TSPYL1: variants seen among roughly 807,000 people sequenced by gnomAD.
The protein encoded by TSPYL1 is TSPY like 1.
A neutral mutation model predicts 20.1 loss-of-function variants in TSPYL1; 16 were observed. The ratio of observed to expected loss-of-function variants is 0.80; its 90% confidence interval spans 0.54 to 1.21. The LOEUF (loss-of-function observed/expected upper bound fraction) is 1.21. Ranked by LOEUF, TSPYL1 falls within the 50% of genes most tolerant of loss-of-function variation. TSPYL1 has a pLI of 0.00. For missense variants in TSPYL1, 560 were observed against 569.3 expected, an observed-to-expected ratio of 0.98 and a Z score of 0.17; for synonymous variants, 259 against 227.1, an observed-to-expected ratio of 1.14 and a Z score of -1.26.
rs779119723 is a variant in TSPYL1, at chr6:116,279,240, T to C, written c.591A>G (p.Pro197=). Residue 197 remains proline (P), a synonymous_variant, in exon 1 of 1, where the codon CCA becomes CCG. Coordinates refer to ENST00000368608, the MANE Select transcript of TSPYL1 (RefSeq NM_003309.4). ...CCGCCACTTCTATTTCTTCACCTTC[T>C]GGCGGCTGCTCCTCTACCTCCATCT... ...EEQMEVEEQP[P]EGEEIEVAEE... 7 of 1,608,810 alleles carry C rather than the reference T, an allele frequency of 4.4e-6. No individual in the cohort carries two copies. The highest frequency in any genetic ancestry group is 3.3e-5 in the South Asian group (3 of 91,068).
chr6:116,279,123 C>A lies in TSPYL1; in HGVS notation c.708G>T (p.Gln236His). 1 of 1,614,134 alleles carries A rather than the reference C, an allele frequency of 6.2e-7. No homozygotes were observed. Among genetic ancestry groups the A allele is most frequent in the Middle Eastern group, 1.6e-4 (1 of 6,062 alleles). The change falls in exon 1 of 1, where the codon CAG becomes CAT. Residue 236 changes from glutamine (Q) to histidine (H), a missense_variant. By Grantham distance (24) the Gln-to-His change is conservative. Coordinates refer to ENST00000368608, the MANE Select transcript of TSPYL1 (RefSeq NM_003309.4). ...ALRMDPLEAI[Q>H]LELDTVNAQA... ...GAGCATTCACAGTGTCCAGTTCCAG[C>A]TGGATGGCCTCCAGAGGGTCCATGC...
Position 116,279,448 on chromosome 6 carries a change from CCACCCTGAA to C in TSPYL1, c.374_382del (p.Val125_Gly127del). 1.2e-6 allele frequency: 2 copies of C among 1,613,428 alleles called. No homozygotes were observed. The highest frequency in any genetic ancestry group is 1.7e-6 in the Non-Finnish European group (2 of 1,180,038). On this transcript the variant is annotated inframe_deletion, in exon 1 of 1. Coordinates refer to ENST00000368608, the MANE Select transcript of TSPYL1 (RefSeq NM_003309.4). ...GCCACAGATTTCTAGGGCCTTCTCTCCACCCTGAACGCCCTTTTTCAGGCTGCGGTCGGC... is the reference window on the plus strand; with the variant it reads ...GCCACAGATTTCTAGGGCCTTCTCTCCGCCCTTTTTCAGGCTGCGGTCGGC...
chr6:116,279,814 C>A lies in TSPYL1; in HGVS notation c.17G>T (p.Gly6Val), dbSNP rs1269638603. ...TTGGAGGGGAGTGGTCCTCTTGACC[C>A]CATCCAGGCCGCTCATGTTGCTAAC... MSGLDGVKRTTPLQTH... is the reference protein window; with the variant it reads MSGLDVVKRTTPLQTH... Residue 6 changes from glycine to valine, a missense_variant, in exon 1 of 1, where the codon GGG (glycine) becomes GTG (valine). Coordinates refer to ENST00000368608, the MANE Select transcript of TSPYL1 (RefSeq NM_003309.4). The A allele has an allele frequency of 6.2e-7, 1 of 1,613,036 alleles. No homozygotes were observed. The highest frequency in any genetic ancestry group is 1.3e-5 in the African/African-American group (1 of 75,048).
In TSPYL1 at chr6:116,279,126, G is replaced by T. The variant is rs1773316857; in HGVS notation, c.705C>A (p.Ile235=). ...EALRMDPLEA[I]QLELDTVNAQ... is the part of the protein sequence containing the mutation. ...CATTCACAGTGTCCAGTTCCAGCTG[G>T]ATGGCCTCCAGAGGGTCCATGCGGA... The change falls in exon 1 of 1, where the codon ATC becomes ATA. Residue 235 remains isoleucine, a synonymous_variant. Transcript: ENST00000368608. The T allele has an allele frequency of 6.2e-7, 1 of 1,614,126 alleles. No individual in the cohort carries two copies. The highest frequency in any genetic ancestry group is 2.2e-5 in the East Asian group (1 of 44,868).
In TSPYL1 at chr6:116,279,257, C is replaced by A; in HGVS notation, c.574G>T (p.Val192Leu). Residue 192 changes from valine (V) to leucine (L), a missense_variant, in exon 1 of 1, where the codon GTA (valine) becomes TTA (leucine). Coordinates refer to ENST00000368608, the MANE Select transcript of TSPYL1 (RefSeq NM_003309.4). ...TCACCTTCTGGCGGCTGCTCCTCTA[C>A]CTCCATCTGCTCCTCCATTACCTCC... Reference protein sequence around the residue: ...EKEVMEEQMEVEEQPPEGEEI... With the variant: ...EKEVMEEQMELEEQPPEGEEI... 6.2e-7 allele frequency: 1 copy of A among 1,607,602 alleles called. No individual in the cohort carries two copies. Among genetic ancestry groups the A allele is most frequent in the Non-Finnish European group, 8.5e-7 (1 of 1,179,538 alleles).
chr6:116,279,892 G>A lies in TSPYL1; in HGVS notation c.-62C>T, dbSNP rs1191310803. The A allele has an allele frequency of 7.5e-6, 12 of 1,607,860 alleles. No homozygotes were observed. Among genetic ancestry groups the A allele is most frequent in the Non-Finnish European group, 1.0e-5 (12 of 1,176,454 alleles). The stretch of plus-strand genomic sequence containing the variant: ...GTTTTCCTCAGAGGCCGAACTGGGA[G>A]CTAACCGCCGCTCGCACCGCCCACC... On this transcript the variant is annotated 5_prime_UTR_variant, in exon 1 of 1. Coordinates refer to ENST00000368608, the MANE Select transcript of TSPYL1 (RefSeq NM_003309.4).
In TSPYL1 at chr6:116,277,636, G is replaced by A. The variant is rs1031015388; in HGVS notation, c.*881C>T. On this transcript the variant is annotated 3_prime_UTR_variant, in exon 1 of 1. Coordinates refer to ENST00000368608, the MANE Select transcript of TSPYL1 (RefSeq NM_003309.4). ...AAACCTTGCTTTTACAAATGTTTCT[G>A]AGCTATCACTTTTTTAAGAGAGGAT... The A allele has an allele frequency of 6.6e-6, 1 of 151,404 alleles. No individual in the cohort carries two copies. Among genetic ancestry groups the A allele is most frequent in the Admixed American group, 6.6e-5 (1 of 15,260 alleles). 9.4% of individuals were successfully genotyped at this position (151,404 alleles called of 1,614,324 possible). A position where few individuals can be genotyped will look rare whatever the true frequency, so the allele number is the denominator to read the frequency against.
rs770030257 is a variant in TSPYL1, at chr6:116,279,003, C to T, written c.828G>A (p.Pro276=). The part of the protein sequence containing the change: ...ERRNYIIQNI[P]GFWMTAFRNH... ...TTCGAAAAGCAGTCATCCAGAAGCC[C>T]GGGATATTCTGAATGATGTAGTTCC... The change falls in exon 1 of 1, where the codon CCG becomes CCA. Residue 276 remains proline (P), a synonymous_variant. Coordinates refer to ENST00000368608, the MANE Select transcript of TSPYL1 (RefSeq NM_003309.4). 1.8e-5 allele frequency: 29 copies of T among 1,614,052 alleles called. 1 individual carries two copies. The South Asian group carries it at 2.9e-4, about 16-fold the overall frequency.
chr6:116,279,648 A>G lies in TSPYL1; in HGVS notation c.183T>C (p.Pro61=), dbSNP rs1425386245. The G allele has an allele frequency of 8.1e-6, 13 of 1,605,604 alleles. No individual in the cohort carries two copies. The highest frequency in any genetic ancestry group is 1.1e-5 in the Non-Finnish European group (13 of 1,179,880). ...EGGSETVALP[P]PPPSEEGGVP... ...CGCCCCCCTCCTCTGAAGGCGGTGG[A>G]GGCGGGAGCGCGACGGTCTCCGAGC... The change falls in exon 1 of 1, where the codon CCT becomes CCC. Residue 61 remains proline, a synonymous_variant. Coordinates refer to ENST00000368608, the MANE Select transcript of TSPYL1 (RefSeq NM_003309.4).
Position 116,278,555 on chromosome 6 carries a change from C to T in TSPYL1, c.1276G>A (p.Val426Ile). 13 of 1,614,176 alleles carry T rather than the reference C, an allele frequency of 8.1e-6. No individual in the cohort carries two copies. Among genetic ancestry groups the T allele is most frequent in the Non-Finnish European group, 1.0e-5 (12 of 1,180,042 alleles). The change falls in exon 1 of 1, where the codon GTA becomes ATA. Residue 426 changes from valine (V) to isoleucine (I), a missense_variant. Val to Ile is a conservative substitution (Grantham distance 29). Transcript: ENST00000368608. ...AACCCAAAGGGCCTGGGGATCTCTA[C>T]AGGCTCCCTTAGCGGGCGACGTCGG... ...RARRRPLREP[V>I]EIPRPFGFQS...
chr6:116,275,403 C>CT lies in TSPYL1; in HGVS notation c.*3113_*3114insA, dbSNP rs1773086339. 6.6e-6 allele frequency among the ~76,000 whole-genome samples: 1 copy of CT among 152,198 alleles called. No individual in the cohort carries two copies. The highest frequency in any genetic ancestry group is 2.4e-5 in the African/African-American group (1 of 41,456). On this transcript the variant is annotated 3_prime_UTR_variant, in exon 1 of 1. Coordinates refer to ENST00000368608, the MANE Select transcript of TSPYL1 (RefSeq NM_003309.4). ...GCATTGCAAATCTTTTTGACATTTT[C>CT]CCATTTGCTCATTAAATCTTTCTGA... is the stretch of plus-strand genomic sequence containing the variant.
chr6:116,278,508 G>C lies in TSPYL1; in HGVS notation c.*9C>G. 1 of 1,613,886 alleles carries C rather than the reference G, an allele frequency of 6.2e-7. No homozygotes were observed. The highest frequency in any genetic ancestry group is 1.7e-4 in the Middle Eastern group (1 of 5,822). ...AGACCTTGTGCAGGAGTATTCCCAA[G>C]GGCAAATGTTAACCAGACTGGAACC... On this transcript the variant is annotated 3_prime_UTR_variant, in exon 1 of 1. Transcript: ENST00000368608.
chr6:116,278,935 T>C lies in TSPYL1; in HGVS notation c.896A>G (p.Glu299Gly). The change falls in exon 1 of 1, where the codon GAG becomes GGG. Residue 299 changes from glutamate (E) to glycine (G), a missense_variant. Glu to Gly is a moderately conservative substitution (Grantham distance 98, BLOSUM62 -2). Coordinates refer to ENST00000368608, the MANE Select transcript of TSPYL1 (RefSeq NM_003309.4). ...LSAMIRGQDAEMLRYITNLEV... is the reference protein window; with the variant it reads ...LSAMIRGQDAGMLRYITNLEV... ...TAAATTGGTTATGTACCTTAACATCTCTGCATCTTGGCCCCTAATCATGGC... is the reference window on the plus strand; with the variant it reads ...TAAATTGGTTATGTACCTTAACATCCCTGCATCTTGGCCCCTAATCATGGC... The C allele has an allele frequency of 6.2e-7, 1 of 1,614,152 alleles. No homozygotes were observed. The highest frequency in any genetic ancestry group is 8.5e-7 in the Non-Finnish European group (1 of 1,180,030).
Position 116,279,202 on chromosome 6 carries a change from A to C in TSPYL1, c.629T>G (p.Leu210Trp). Residue 210 changes from leucine to tryptophan, a missense_variant, in exon 1 of 1, where the codon TTG becomes TGG. Coordinates refer to ENST00000368608, the MANE Select transcript of TSPYL1 (RefSeq NM_003309.4). ...EEIEVAEEDR[L>W]EEEAREEEGP... Reference sequence around the variant, plus strand: ...TTCTTCCTCCCTCGCCTCCTCCTCCAATCTATCCTCCTCCGCCACTTCTAT... The same window carrying C: ...TTCTTCCTCCCTCGCCTCCTCCTCCCATCTATCCTCCTCCGCCACTTCTAT... The C allele has an allele frequency of 6.2e-7, 1 of 1,610,338 alleles. No individual in the cohort carries two copies. Among genetic ancestry groups the C allele is most frequent in the Non-Finnish European group, 8.5e-7 (1 of 1,179,526 alleles).
Position 116,279,410 on chromosome 6 carries a change from C to T in TSPYL1, c.421G>A (p.Ala141Thr). ...ALEICGAQRS[A>T]SELTAGAEAE... is the part of the protein sequence containing the mutation. ...TCCGCCCCCGCCGTCAGCTCAGACG[C>T]GGATCTCTGGGCGCCACAGATTTCT... The change falls in exon 1 of 1, where the codon GCG becomes ACG. Residue 141 changes from alanine to threonine, a missense_variant. By Grantham distance (58) the Ala-to-Thr change is moderately conservative. Transcript: ENST00000368608. 1.9e-6 allele frequency: 3 copies of T among 1,613,350 alleles called. No homozygotes were observed. The highest frequency in any genetic ancestry group is 2.5e-6 in the Non-Finnish European group (3 of 1,180,036).
Position 116,276,316 on chromosome 6 carries a change from C to T in TSPYL1, c.*2201G>A, listed in dbSNP as rs1773141076. Among the ~76,000 whole-genome samples, 1 of 152,060 alleles carries T rather than the reference C, an allele frequency of 6.6e-6. No homozygotes were observed. Among genetic ancestry groups the T allele is most frequent in the East Asian group, 1.9e-4 (1 of 5,202 alleles). ...GCATACAAGTTAATAAAAAGAAGAG[C>T]CTGAATAACCTGAGAATATAATTTA... is the stretch of plus-strand genomic sequence containing the variant. On this transcript the variant is annotated 3_prime_UTR_variant, in exon 1 of 1. Coordinates refer to ENST00000368608, the MANE Select transcript of TSPYL1 (RefSeq NM_003309.4).
chr6:116,279,642 C>T lies in TSPYL1; in HGVS notation c.189G>A (p.Pro63=). The T allele has an allele frequency of 3.1e-6, 5 of 1,604,728 alleles. No individual in the cohort carries two copies. The highest frequency in any genetic ancestry group is 4.2e-6 in the Non-Finnish European group (5 of 1,179,640). ...GSETVALPPP[P]PSEEGGVPQD... is the part of the protein sequence containing the mutation. Reference sequence around the variant, plus strand: ...GGGGTACGCCCCCCTCCTCTGAAGGCGGTGGAGGCGGGAGCGCGACGGTCT... The same window carrying T: ...GGGGTACGCCCCCCTCCTCTGAAGGTGGTGGAGGCGGGAGCGCGACGGTCT... The change falls in exon 1 of 1, where the codon CCG becomes CCA. Residue 63 remains proline, a synonymous_variant. Coordinates refer to ENST00000368608, the MANE Select transcript of TSPYL1 (RefSeq NM_003309.4).
rs1773409988 is a variant in TSPYL1, at chr6:116,279,929, C to T, written c.-99G>A. ...TCGCACCGCCCACCCTACAGTCTCACTAACATTTCAGCGGCGGTGTCGTCA... is the reference window on the plus strand; with the variant it reads ...TCGCACCGCCCACCCTACAGTCTCATTAACATTTCAGCGGCGGTGTCGTCA... On this transcript the variant is annotated 5_prime_UTR_variant, in exon 1 of 1. In the 5' UTR this introduces an upstream ATG that the reference lacks. Coordinates refer to ENST00000368608, the MANE Select transcript of TSPYL1 (RefSeq NM_003309.4). The T allele has an allele frequency of 2.6e-6, 4 of 1,550,778 alleles. No individual in the cohort carries two copies. Among genetic ancestry groups the T allele is most frequent in the South Asian group, 1.1e-5 (1 of 89,076 alleles).
Position 116,279,451 on chromosome 6 carries a change from C to T in TSPYL1, c.380G>A (p.Gly127Asp). 6.2e-7 allele frequency: 1 copy of T among 1,613,358 alleles called. No homozygotes were observed. The highest frequency in any genetic ancestry group is 8.5e-7 in the Non-Finnish European group (1 of 1,180,042). The change falls in exon 1 of 1, where the codon GGT becomes GAT. Residue 127 changes from glycine (G) to aspartate (D), a missense_variant. Gly to Asp is a moderately conservative substitution (Grantham distance 94). Coordinates refer to ENST00000368608, the MANE Select transcript of TSPYL1 (RefSeq NM_003309.4). ...ADRSLKKGVQ[G>D]GEKALEICGA... ...ACAGATTTCTAGGGCCTTCTCTCCA[C>T]CCTGAACGCCCTTTTTCAGGCTGCG... is the stretch of plus-strand genomic sequence containing the variant.
Sources: gnomAD v4.1 joint callset for allele counts (sites outside exome capture counted in the v4.1 genomes callset) on GRCh38, gnomAD v4.1.1 for gene constraint, MANE v1.5 for transcripts, NCBI Gene and HGNC (gene_info 2026-07-23, HGNC 2026-07-21) for gene names.